NVL: variants seen among roughly 807,000 people sequenced by gnomAD.
NVL encodes nuclear valosin-containing protein-like.
In NVL, 84 loss-of-function variants were observed where a neutral mutation model predicts 110.2. That is an observed-to-expected ratio of 0.76 (90% confidence interval 0.64 to 0.91). NVL has a LOEUF of 0.91. Ranked by LOEUF, NVL falls within the 40% of genes least tolerant of loss-of-function variation. The probability of loss-of-function intolerance (pLI) is 0.00; values close to 1 mark genes in which losing one functional copy is unlikely to be tolerated. For synonymous variants in NVL, 354 were observed against 361.1 expected (o/e 0.98, Z 0.22); for missense variants, 882 against 1,035.9 (o/e 0.85, Z 2.04).
Position 224,311,858 on chromosome 1 carries a change from C to A in NVL, c.285-1G>T. The A allele has an allele frequency of 6.2e-7, 1 of 1,611,314 alleles. No homozygotes were observed. Among genetic ancestry groups the A allele is most frequent in the South Asian group, 1.1e-5 (1 of 90,904 alleles). On this transcript the variant is annotated splice_acceptor_variant, in intron 4 of 22. Coordinates refer to ENST00000281701, the MANE Select transcript of NVL (RefSeq NM_002533.4). LOFTEE classifies it high-confidence loss of function. ...ATCATCAGAATAGCTTTCAGTATAC[C>A]TCAGTAAAAGGAGGGAAAAATGTTT...
chr1:224,240,559 C>T (rs4654009), intron 19 of NVL, among the ~76,000 whole-genome samples: 127,420 of 152,136 alleles, frequency 0.84, 53,942 homozygotes, highest in South Asian at 0.91. Context: ...TTGTCAGCTT[C>T]CTATTCTTAG....
intron 19 of NVL, among the ~76,000 whole-genome samples, chr1:224,240,994 T>G (rs146703257): frequency 2.0e-5 from 3 of 152,120 alleles, no homozygotes; most frequent in Admixed American, 6.5e-5. Flanking sequence ...TTTCACCATG[T>G]TGGCCAGGCT....
At chr1:224,272,739 A>T (rs1404410804) in intron 17 of NVL, among the ~76,000 whole-genome samples, 1 of 150,062 alleles carries the variant, frequency 6.7e-6, no homozygotes, top group East Asian at 2.0e-4. Context: ...CAAAACAAAA[A>T]ACAAAACACA....
chr1:224,322,243 A>AT (rs34841668), intron 2 of NVL, among the ~76,000 whole-genome samples: 8,781 of 131,742 alleles, frequency 0.067, 356 homozygotes, highest in East Asian at 0.11. Flanking sequence ...TGCCACGCTA[A>AT]TTTTTTTTTT....
intron 20 of NVL, among the ~76,000 whole-genome samples, chr1:224,234,722 T>TG (rs932678632): frequency 6.6e-6 from 1 of 152,174 alleles, no homozygotes; most frequent in African/African-American, 2.4e-5. Context: ...AATCTAACAT[T>TG]GGTGGAAACA....
At chr1:224,236,447 T>C in intron 20 of NVL, 59 bp downstream of exon 20, 1 of 1,308,406 alleles carries the variant, frequency 7.6e-7, no homozygotes, top group Non-Finnish European at 1.1e-6. Context: ...CACCCCTCAT[T>C]TTATAGATGA....
chr1:224,267,431 T>C (rs1055472140), intron 18 of NVL, among the ~76,000 whole-genome samples: 1 of 152,140 alleles, frequency 6.6e-6, no homozygotes, highest in Admixed American at 6.6e-5. Context: ...CTCACGTCTG[T>C]AATCCTAGCA....
intron 19 of NVL, among the ~76,000 whole-genome samples, chr1:224,249,176 G>T (rs1662188145): frequency 6.6e-6 from 1 of 151,708 alleles, no homozygotes; most frequent in Admixed American, 6.6e-5. Flanking sequence ...GAGGGTCTTG[G>T]TCTGTTACCC....
At position 224,237,731 on chromosome 1, in the gene NVL, T is replaced by C. The variant is rs575935438; in HGVS notation, c.2290-1149A>G. On this transcript the variant is annotated intron_variant, in intron 19 of 22. Transcript: ENST00000281701. ...ACTACATGCCACCATGCCTGGCTAC[T>C]TTTTTTTTTTTTTGAGACAGTCTCG... Among the ~76,000 whole-genome samples the C allele has an allele frequency of 5.8e-3, 68 of 11,676 alleles. 1 individual carries two copies. The highest frequency in any genetic ancestry group is 0.011 in the African/African-American group (62 of 5,676). 7.7% of individuals were successfully genotyped at this position (11,676 alleles called of 152,430 possible). A position where few individuals can be genotyped will look rare whatever the true frequency, so the allele number is the denominator to read the frequency against.
chr1:224,279,984 C>T (rs766287811), intron 16 of NVL, among the ~76,000 whole-genome samples: 14 of 151,866 alleles, frequency 9.2e-5, no homozygotes, highest in Non-Finnish European at 1.6e-4. Flanking sequence ...TGTGCCTGGC[C>T]TTATACTTCT....
intron 4 of NVL, chr1:224,313,172 A>AG: frequency 3.6e-6 from 1 of 276,922 alleles, no homozygotes; most frequent in African/African-American, 2.4e-5. Flanking sequence ...AAAAAAAAAA[A>AG]AAAAAAAACA....
At chr1:224,256,495 G>GC (rs1663274105) in intron 18 of NVL, among the ~76,000 whole-genome samples, 1 of 149,288 alleles carries the variant, frequency 6.7e-6, no homozygotes, top group African/African-American at 2.5e-5. Flanking sequence ...AGTTCTACAT[G>GC]CCCCAAGGTA....
At chr1:224,328,818 C>G (rs990872885) in intron 1 of NVL, among the ~76,000 whole-genome samples, 1 of 152,072 alleles carries the variant, frequency 6.6e-6, no homozygotes, top group African/African-American at 2.4e-5. Context: ...TTCCACTTGG[C>G]CATTTTAATT....
chr1:224,316,807 T>C (rs1670124711), intron 4 of NVL, among the ~76,000 whole-genome samples: 1 of 151,986 alleles, frequency 6.6e-6, no homozygotes, highest in African/African-American at 2.4e-5. Flanking sequence ...AGTGAGTATA[T>C]CTATATGTCA....
At chr1:224,326,862 T>C (rs577082135) in intron 1 of NVL, among the ~76,000 whole-genome samples, 1 of 152,274 alleles carries the variant, frequency 6.6e-6, no homozygotes, top group East Asian at 1.9e-4. Flanking sequence ...GGCAATTTAG[T>C]TTCAATATTA....
chr1:224,251,635 T>C (rs771315087), intron 18 of NVL, among the ~76,000 whole-genome samples: 1 of 152,070 alleles, frequency 6.6e-6, no homozygotes, highest in Non-Finnish European at 1.5e-5. Flanking sequence ...GCAAGACTCT[T>C]GTCTCAAAAA....
chr1:224,251,594 C>G (rs1039733554), intron 18 of NVL, among the ~76,000 whole-genome samples: 2 of 152,154 alleles, frequency 1.3e-5, no homozygotes, highest in Admixed American at 6.6e-5. Context: ...GAGCGGAGAT[C>G]GTGCCACTGC....
intron 10 of NVL, 48 bp downstream of exon 10, chr1:224,300,514 T>G: frequency 7.5e-7 from 1 of 1,335,752 alleles, no homozygotes; most frequent in Non-Finnish European, 1.1e-6. Context: ...ATCTTTAATA[T>G]AAGCTGGTAG....
chr1:224,244,404 T>C (rs564571344), intron 19 of NVL, among the ~76,000 whole-genome samples: 67 of 152,212 alleles, frequency 4.4e-4, no homozygotes, highest in Non-Finnish European at 8.2e-4. Context: ...CAGCTTTTAG[T>C]GATAGACCTC....
Sources: allele counts gnomAD v4.1 joint callset (sites outside exome capture counted in the v4.1 genomes callset), GRCh38; gene constraint gnomAD v4.1.1; transcripts MANE v1.5; gene names NCBI Gene and HGNC (gene_info 2026-07-23, HGNC 2026-07-21).